Variants in TMEM219 observed in about 807,000 individuals in gnomAD.
The protein encoded by TMEM219 is transmembrane protein 219.
Under a neutral mutation model 17.9 loss-of-function variants are expected in TMEM219, and 18 were observed. The observed-to-expected ratio is 1.01, with a 90% CI of 0.70 to 1.49. The LOEUF (loss-of-function observed/expected upper bound fraction) is 1.49, where lower values mean the gene tolerates loss of function less well. Ranked by LOEUF, TMEM219 falls within the 40% of genes most tolerant of loss-of-function variation. TMEM219 has a pLI of 0.00. For missense variants in TMEM219, 288 were observed against 292.4 expected, an observed-to-expected ratio of 0.99 and a Z score of 0.11; for synonymous variants, 113 against 124.0, an observed-to-expected ratio of 0.91 and a Z score of 0.59.
At chr16:29,971,769 A>G (rs2069292647) in intron 5 of TMEM219, 191 bp downstream of exon 5, 3 of 457,090 alleles carry the variant, frequency 6.6e-6, no homozygotes, top group East Asian at 3.7e-5. Flanking sequence ...ATATTTTTCT[A>G]ATTACTTTAA....
chr16:29,971,599 C>T (rs1216241382), intron 5 of TMEM219, 21 bp downstream of exon 5: 1 of 1,566,122 alleles, frequency 6.4e-7, no homozygotes, highest in Non-Finnish European at 8.7e-7. Context: ...TTGCTCCAGT[C>T]CTGCGGGAGC....
chr16:29,965,256 G>A (rs1183752877), intron 3 of TMEM219, among the ~76,000 whole-genome samples: 1 of 152,100 alleles, frequency 6.6e-6, no homozygotes, highest in Non-Finnish European at 1.5e-5. Flanking sequence ...ATGTGTCGGG[G>A]GAGTGGGTCT....
Position 29,963,395 on chromosome 16 carries a change from C to G in TMEM219, c.166-5C>G. 1 of 1,613,908 alleles carries G rather than the reference C, an allele frequency of 6.2e-7. No homozygotes were observed. The highest frequency in any genetic ancestry group is 8.5e-7 in the Non-Finnish European group (1 of 1,179,832). On this transcript the variant is annotated splice_region_variant and splice_polypyrimidine_tract_variant and intron_variant, in intron 2 of 5. Coordinates refer to ENST00000279396, the MANE Select transcript of TMEM219 (RefSeq NM_001083613.2). Reference sequence around the variant, plus strand: ...CTCATCTCACCCGTCTTCTTTTGCTCACAGGACTGGGTCTCTTTTTTGAGA... The same window carrying G: ...CTCATCTCACCCGTCTTCTTTTGCTGACAGGACTGGGTCTCTTTTTTGAGA...
intron 4 of TMEM219, among the ~76,000 whole-genome samples, chr16:29,968,841 A>G (rs2069246665): frequency 6.6e-6 from 1 of 152,170 alleles, no homozygotes; most frequent in Non-Finnish European, 1.5e-5. Flanking sequence ...TTATTATCCC[A>G]TTTTACAGAT....
chr16:29,972,788 G>C (rs1246924477), intron 5 of TMEM219, among the ~76,000 whole-genome samples, 162 bp from the exon 6 acceptor site: 1 of 152,212 alleles, frequency 6.6e-6, no homozygotes, highest in East Asian at 1.9e-4. Context: ...CCTGGCCCCT[G>C]ACAGACCCTG....
intron 4 of TMEM219, 42 bp from the exon 5 acceptor site, chr16:29,971,366 A>G: frequency 1.9e-6 from 3 of 1,612,860 alleles, no homozygotes; most frequent in Non-Finnish European, 2.5e-6. Flanking sequence ...CTTGGACTGG[A>G]TTAACATGTC....
chr16:29,969,422 C>T (rs2069253655), intron 4 of TMEM219, among the ~76,000 whole-genome samples: 1 of 152,008 alleles, frequency 6.6e-6, no homozygotes, highest in Non-Finnish European at 1.5e-5. Context: ...ATCTCAATCT[C>T]CTGACCTCGT....
At chr16:29,968,634 A>G (rs1567231325) in intron 4 of TMEM219, 1 of 188,526 alleles carries the variant, frequency 5.3e-6, no homozygotes, top group South Asian at 1.2e-4. Context: ...GCTAATTGCT[A>G]TTAGAGAGAT....
In TMEM219 at chr16:29,963,720, TA is replaced by T. The variant is rs1294393129; in HGVS notation, c.355+136del. On this transcript the variant is annotated intron_variant, in intron 3 of 5. Transcript: ENST00000279396. The stretch of plus-strand genomic sequence containing the variant: ...CAACATGATGAAACACCATCTCTAC[TA>T]AAAATACAAAAATTAGCCAGGCATG... 8.4e-6 allele frequency: 7 copies of T among 838,192 alleles called. No homozygotes were observed. The Admixed American group carries it at 1.5e-4, about 18-fold the overall frequency. 51.9% of individuals were successfully genotyped at this position (838,192 alleles called of 1,614,324 possible).
At chr16:29,971,639 C>G in intron 5 of TMEM219, 61 bp downstream of exon 5, 1 of 1,434,108 alleles carries the variant, frequency 7.0e-7, no homozygotes, top group Non-Finnish European at 9.5e-7. Flanking sequence ...GGGGTTGTAA[C>G]CGGGGTAGAG....
chr16:29,968,425 C>G (rs1209217486), intron 4 of TMEM219, 171 bp downstream of exon 4: 1 of 579,154 alleles, frequency 1.7e-6, no homozygotes, highest in East Asian at 2.8e-5. Context: ...GTGTCAGCAT[C>G]CTCATCTGTA....
rs1035732692 is a variant in TMEM219 at position 29,962,099 on chromosome 16, G to C, written c.-71G>C. On this transcript the variant is annotated 5_prime_UTR_variant, in exon 1 of 6. Transcript: ENST00000279396. ...CCCTCGCGGCCCCGCTCGTGACGTC[G>C]CGGGGGGCGCCGGCCTCCGCCCGGC... 6.6e-6 allele frequency: 1 copy of C among 151,736 alleles called. No homozygotes were observed. Among genetic ancestry groups the C allele is most frequent in the African/African-American group, 2.4e-5 (1 of 41,306 alleles). The allele number at this position is 151,736 out of a possible 1,614,324, so 9.4% of individuals were successfully genotyped here. A position where few individuals can be genotyped will look rare whatever the true frequency, so the allele number is the denominator to read the frequency against.
intron 1 of TMEM219, chr16:29,962,855 C>A (rs2069162737): frequency 7.0e-6 from 3 of 430,734 alleles, no homozygotes; most frequent in Non-Finnish European, 1.3e-5. Flanking sequence ...TGAGAAGTCT[C>A]CCTTTCAGTT....
At position 29,968,248 on chromosome 16, in the gene TMEM219, C is replaced by T; in HGVS notation, c.579C>T (p.Leu193=). The T allele has an allele frequency of 6.2e-7, 1 of 1,612,322 alleles. No homozygotes were observed. Among genetic ancestry groups the T allele is most frequent in the Non-Finnish European group, 8.5e-7 (1 of 1,178,568 alleles). ...AAGGCCTTGTGCTGACCAAGCTGCT[C>T]ACCTCGGTAAGAGCCTCAGATGGGT... The part of the protein sequence containing the change: ...SHEGLVLTKL[L]TSEELALCGS... The change falls in exon 4 of 6, where the codon CTC becomes CTT. Residue 193 remains leucine, a synonymous_variant. Transcript: ENST00000279396.
At chr16:29,967,926 CAA>C (rs1043115293) in intron 3 of TMEM219, 97 bp from the exon 4 acceptor site, 2,013 of 777,428 alleles carry the variant, frequency 2.6e-3, no homozygotes, top group Middle Eastern at 3.6e-3. Flanking sequence ...GACTCCGCCT[CAA>C]AAAAAAAAAA....
At chr16:29,971,163 G>A (rs12445982) in intron 4 of TMEM219, among the ~76,000 whole-genome samples, 54,085 of 149,544 alleles carry the variant, frequency 0.36, 10,725 homozygotes, top group South Asian at 0.49. Flanking sequence ...GGAGAATGGC[G>A]TGAACCCAGG....
chr16:29,970,155 A>T (rs2069264712), intron 4 of TMEM219, among the ~76,000 whole-genome samples: 1 of 151,264 alleles, frequency 6.6e-6, no homozygotes, highest in African/African-American at 2.4e-5. Context: ...AATCTCTGGA[A>T]CCTGGGAGGC....
In TMEM219 at chr16:29,963,106, G is replaced by A. The variant is rs1334034544; in HGVS notation, c.-37-1G>A. ...TCCCATTCTCCCTCCCTGTCTTCCAGCAGGCTCTCCCCGGAGGCTCAGCCC... is the reference window on the plus strand; with the variant it reads ...TCCCATTCTCCCTCCCTGTCTTCCAACAGGCTCTCCCCGGAGGCTCAGCCC... On this transcript the variant is annotated splice_acceptor_variant, in intron 1 of 5. Transcript: ENST00000279396. LOFTEE classifies it low-confidence loss of function (5UTR_SPLICE). 9.4e-6 allele frequency: 15 copies of A among 1,601,322 alleles called. No individual in the cohort carries two copies. The highest frequency in any genetic ancestry group is 1.3e-5 in the Non-Finnish European group (15 of 1,177,200).
Position 29,968,270 on chromosome 16 carries a change from G to A in TMEM219, c.585+16G>A. The A allele has an allele frequency of 6.3e-7, 1 of 1,598,470 alleles. No individual in the cohort carries two copies. The highest frequency in any genetic ancestry group is 1.1e-5 in the South Asian group (1 of 90,774). On this transcript the variant is annotated intron_variant, in intron 4 of 5. Coordinates refer to ENST00000279396, the MANE Select transcript of TMEM219 (RefSeq NM_001083613.2). ...GCTCACCTCGGTAAGAGCCTCAGAT[G>A]GGTCGCCAGGGTTTTGTAGACTGCC... is the stretch of plus-strand genomic sequence containing the variant.
Sources: gnomAD v4.1 joint callset for allele counts (sites outside exome capture counted in the v4.1 genomes callset) on GRCh38, gnomAD v4.1.1 for gene constraint, MANE v1.5 for transcripts, NCBI Gene and HGNC (gene_info 2026-07-23, HGNC 2026-07-21) for gene names.